The following ARHGEF10L variants were observed in gnomAD, a reference collection of about 807,000 sequenced individuals.
ARHGEF10L encodes the protein Rho guanine nucleotide exchange factor 10 like.
A neutral mutation model predicts 141.2 loss-of-function variants in ARHGEF10L; 69 were observed. The ratio of observed to expected loss-of-function variants is 0.49; its 90% CI spans 0.40 to 0.60. The LOEUF is 0.60. Among genes scored for constraint, ARHGEF10L ranks in the 20% least tolerant of loss-of-function variants. The pLI is 0.00. For missense variants in ARHGEF10L, 1,482 were observed against 1,734.3 expected (o/e 0.85, Z 2.58); for synonymous variants, 711 against 718.5 (o/e 0.99, Z 0.17).
chr1:17,627,292 C>A lies in ARHGEF10L; in HGVS notation c.1411-38C>A. 1.3e-6 allele frequency: 2 copies of A among 1,598,962 alleles called. No homozygotes were observed. The highest frequency in any genetic ancestry group is 2.2e-5 in the South Asian group (2 of 89,732). The stretch of plus-strand genomic sequence containing the variant: ...TGCCCCAGGCTGGGGTAGAGTTGGT[C>A]ATGGGTGGGCTGCTCAGTCTCTGCT... On this transcript the variant is annotated intron_variant, in intron 14 of 28. Coordinates refer to ENST00000361221, the MANE Select transcript of ARHGEF10L (RefSeq NM_018125.4). The surrounding 1 kb of genome is among the most constrained non-coding windows in gnomAD (Gnocchi z 4.0).
intron 21 of ARHGEF10L, among the ~76,000 whole-genome samples, chr1:17,641,035 C>G (rs2061301136): frequency 6.6e-6 from 1 of 152,222 alleles, no homozygotes; most frequent in South Asian, 2.1e-4. Context: ...AAGGAAGGGG[C>G]AGATCTGGGC....
At chr1:17,670,994 A>G (rs899676003) in intron 26 of ARHGEF10L, among the ~76,000 whole-genome samples, 1 of 152,234 alleles carries the variant, frequency 6.6e-6, no homozygotes, top group African/African-American at 2.4e-5. Flanking sequence ...TCATGGTCTC[A>G]GCACATCACC....
At chr1:17,634,057 C>G (rs961711565) in intron 16 of ARHGEF10L, among the ~76,000 whole-genome samples, 9 of 152,312 alleles carry the variant, frequency 5.9e-5, no homozygotes, top group Non-Finnish European at 1.0e-4. Context: ...GGCAAGGAAG[C>G]CTCTGTCACA....
intron 25 of ARHGEF10L, among the ~76,000 whole-genome samples, chr1:17,658,467 T>G (rs1358739653): frequency 6.6e-6 from 1 of 152,112 alleles, no homozygotes; most frequent in African/African-American, 2.4e-5. Context: ...GCCCCCTGAC[T>G]GAGCTGAACC....
chr1:17,518,562 C>T, the ARHGEF10L span, among the ~76,000 whole-genome samples: 4 of 151,788 alleles, frequency 2.6e-5, no homozygotes, highest in South Asian at 2.1e-4. Context: ...GAGGCTGAGG[C>T]GGGCAGATCA....
At chr1:17,555,947 G>T (rs1424412891) in intron 1 of ARHGEF10L, among the ~76,000 whole-genome samples, 2 of 151,994 alleles carry the variant, frequency 1.3e-5, no homozygotes, top group Non-Finnish European at 2.9e-5. Context: ...GCCCTACAAA[G>T]GCTCTTCCCA....
chr1:17,641,668 G>T (rs1262865491), intron 21 of ARHGEF10L, among the ~76,000 whole-genome samples: 2 of 151,050 alleles, frequency 1.3e-5, no homozygotes, highest in African/African-American at 4.9e-5. Context: ...CAAACAAAAA[G>T]ACATTTCTGG....
intron 1 of ARHGEF10L, among the ~76,000 whole-genome samples, chr1:17,574,211 G>A (rs1235598245): frequency 6.6e-6 from 1 of 152,184 alleles, no homozygotes; most frequent in Non-Finnish European, 1.5e-5. Context: ...CCGTAGCTGT[G>A]TGGCCTTGGG....
rs564110271 is a variant in ARHGEF10L, at chr1:17,575,137, G to A, written c.-43-5416G>A. On this transcript the variant is annotated intron_variant, in intron 1 of 28. Transcript: ENST00000361221. ...ACCCAGTGCTACCCATGCTGAGATG[G>A]AAAGAAGCCCAGTGCCCCCAGAGAG... Among the ~76,000 whole-genome samples, 13 of 152,340 alleles carry A rather than the reference G, an allele frequency of 8.5e-5. No homozygotes were observed. In the South Asian group the frequency reaches 2.7e-3, roughly 32 times the overall value.
At chr1:17,557,197 G>T (rs1395466448) in intron 1 of ARHGEF10L, among the ~76,000 whole-genome samples, 2 of 152,022 alleles carry the variant, frequency 1.3e-5, no homozygotes, top group African/African-American at 4.8e-5. Flanking sequence ...ACGAAAATTA[G>T]CTGGGTGTGG....
At chr1:17,582,128 C>T (rs1246549728) in intron 2 of ARHGEF10L, among the ~76,000 whole-genome samples, 1 of 152,088 alleles carries the variant, frequency 6.6e-6, no homozygotes, top group African/African-American at 2.4e-5. Flanking sequence ...AGGAGCAATG[C>T]CTGATTGCCG....
Position 17,664,476 on chromosome 1 carries a change from C to T in ARHGEF10L, c.2890C>T (p.Pro964Ser). The T allele has an allele frequency of 1.9e-6, 3 of 1,606,358 alleles. No homozygotes were observed. The highest frequency in any genetic ancestry group is 2.5e-6 in the Non-Finnish European group (3 of 1,179,822). Residue 964 changes from proline (P) to serine (S), a missense_variant, in exon 26 of 29, where the codon CCC (proline) becomes TCC (serine). Pro to Ser is a moderately conservative substitution (Grantham distance 74). This residue lies in a region of ARHGEF10L where 858 missense variants were observed against 966.3 expected (regional missense o/e 0.89). Transcript: ENST00000361221. The stretch of plus-strand genomic sequence containing the variant: ...TGTCCTGTGGGACCTGGAGAGCCCT[C>T]CCGTGTGCCTGACTGTGGGGCCCGG... ...GGVLWDLESP[P>S]VCLTVGPGPV...
chr1:17,565,322 C>T (rs767465030), intron 1 of ARHGEF10L, among the ~76,000 whole-genome samples: 4 of 152,214 alleles, frequency 2.6e-5, no homozygotes, highest in Non-Finnish European at 5.9e-5. Flanking sequence ...CATGCAAATA[C>T]TGTGGGGCTC....
At chr1:17,648,946 T>G (rs2061751330) in intron 22 of ARHGEF10L, among the ~76,000 whole-genome samples, 1 of 152,234 alleles carries the variant, frequency 6.6e-6, no homozygotes, top group Non-Finnish European at 1.5e-5. Context: ...TGATCTCATC[T>G]GTTGATGGCA....
chr1:17,694,095 A>G (rs931223830), intron 27 of ARHGEF10L: 5 of 152,330 alleles, frequency 3.3e-5, no homozygotes, highest in South Asian at 2.1e-4. Flanking sequence ...GACAGCAGGT[A>G]GCGCCCATTT....
intron 9 of ARHGEF10L, among the ~76,000 whole-genome samples, chr1:17,617,247 A>G (rs1327661081): frequency 1.3e-5 from 2 of 152,242 alleles, no homozygotes; most frequent in African/African-American, 2.4e-5. Context: ...AGATTTGATC[A>G]ATTGATCATT....
intron 25 of ARHGEF10L, among the ~76,000 whole-genome samples, chr1:17,663,073 G>C (rs1430418540): frequency 6.6e-6 from 1 of 152,230 alleles, no homozygotes; most frequent in East Asian, 1.9e-4. Flanking sequence ...CAGCCACCGG[G>C]GTTCTGTGTG....
intron 21 of ARHGEF10L, among the ~76,000 whole-genome samples, chr1:17,646,710 T>C (rs565825020): frequency 6.6e-6 from 1 of 151,790 alleles, no homozygotes; most frequent in South Asian, 2.1e-4. Flanking sequence ...CATGGAGACA[T>C]GGGTGGTGCA....
At chr1:17,671,955 G>T (rs1260660131) in intron 26 of ARHGEF10L, among the ~76,000 whole-genome samples, 1 of 152,202 alleles carries the variant, frequency 6.6e-6, no homozygotes, top group Non-Finnish European at 1.5e-5. Flanking sequence ...TCCCCAAGTG[G>T]GGGGTGGGGG....
Sources: gnomAD v4.1 joint callset for allele counts (sites outside exome capture counted in the v4.1 genomes callset) on GRCh38, gnomAD v4.1.1 for gene constraint, gnomAD v4.1.1 regional missense constraint, Gnocchi (gnomAD v3.1) non-coding constraint, MANE v1.5 for transcripts, NCBI Gene and HGNC (gene_info 2026-07-23, HGNC 2026-07-21) for gene names.